The following DIAPH2 variants were observed in gnomAD, a reference collection of about 807,000 sequenced individuals.
DIAPH2 encodes protein diaphanous homolog 2.
In DIAPH2, 35 loss-of-function variants were observed where a neutral mutation model predicts 92.7. The observed-to-expected ratio is 0.38, with a 90% CI of 0.29 to 0.50. The LOEUF is 0.50. Ranked by LOEUF, DIAPH2 falls within the 20% of genes least tolerant of loss-of-function variation. The probability of loss-of-function intolerance (pLI) is 0.94; values close to 1 mark genes in which losing one functional copy is unlikely to be tolerated. For synonymous variants in DIAPH2, 301 were observed against 280.4 expected (o/e 1.07, Z -0.73); for missense variants, 701 against 819.5 (o/e 0.86, Z 1.77).
At chrX:96,912,899 A>G (rs965515564) in intron 7 of DIAPH2, among the ~76,000 whole-genome samples, 1 of 111,218 alleles carries the variant, frequency 9.0e-6, no homozygotes, top group African/African-American at 3.3e-5. Flanking sequence ...TTGAAACCAT[A>G]TATAAAAGAT....
At chrX:96,816,393 C>T (rs1036452749) in intron 4 of DIAPH2, among the ~76,000 whole-genome samples, 1 of 111,762 alleles carries the variant, frequency 8.9e-6, no homozygotes, top group African/African-American at 3.3e-5. Context: ...GTTGTCATTC[C>T]CTTATTTGTC....
At chrX:97,593,412 C>T (rs1041843255) in intron 26 of DIAPH2, among the ~76,000 whole-genome samples, 1 of 110,152 alleles carries the variant, frequency 9.1e-6, no homozygotes, top group Non-Finnish European at 1.9e-5. Context: ...AAGAAACAAA[C>T]TGGTGTGGAA....
At chrX:96,763,886 G>A (rs1051940979) in intron 4 of DIAPH2, among the ~76,000 whole-genome samples, 1 of 109,918 alleles carries the variant, frequency 9.1e-6, no homozygotes, top group Non-Finnish European at 1.9e-5. Context: ...TAACATCACC[G>A]AGTACTGAGG....
chrX:97,352,446 TGAG>T (rs2069224842), intron 24 of DIAPH2, among the ~76,000 whole-genome samples: 1 of 111,162 alleles, frequency 9.0e-6, no homozygotes, highest in African/African-American at 3.2e-5. Context: ...ACTCAGCTAA[TGAG>T]GATATCAAAG....
At chrX:97,203,803 C>T (rs1203338383) in intron 22 of DIAPH2, among the ~76,000 whole-genome samples, 1 of 111,709 alleles carries the variant, frequency 9.0e-6, no homozygotes, top group Admixed American at 9.5e-5. Context: ...AAGAGGGACT[C>T]CTCCCTAACT....
chrX:96,986,152 T>G (rs909247244), intron 17 of DIAPH2, among the ~76,000 whole-genome samples: 2 of 111,480 alleles, frequency 1.8e-5, no homozygotes, highest in Admixed American at 9.6e-5. Flanking sequence ...ACCTACTTAT[T>G]TATAAGAATC....
chrX:97,322,839 A>G (rs1252919045), intron 23 of DIAPH2, among the ~76,000 whole-genome samples: 5 of 109,381 alleles, frequency 4.6e-5, no homozygotes, highest in Non-Finnish European at 7.6e-5. Context: ...GCTGTAAACT[A>G]TGATATATTC....
intron 22 of DIAPH2, among the ~76,000 whole-genome samples, chrX:97,226,781 G>A (rs2067968949): frequency 8.9e-6 from 1 of 112,172 alleles, no homozygotes; most frequent in African/African-American, 3.2e-5. Context: ...GTATTTGTGT[G>A]TGTGTATATA....
At chrX:97,125,873 A>T (rs1167788453) in intron 21 of DIAPH2, among the ~76,000 whole-genome samples, 1 of 112,094 alleles carries the variant, frequency 8.9e-6, no homozygotes, top group Non-Finnish European at 1.9e-5. Flanking sequence ...GTTAACAAAA[A>T]TACATTTTTT....
intron 26 of DIAPH2, among the ~76,000 whole-genome samples, chrX:97,595,068 C>G (rs943504547): frequency 8.9e-6 from 1 of 111,959 alleles, no homozygotes; most frequent in African/African-American, 3.2e-5. Flanking sequence ...TAATGCAGCT[C>G]GAGTCCTCCA....
chrX:97,260,683 T>G (rs1452093905), intron 23 of DIAPH2, among the ~76,000 whole-genome samples: 1 of 112,157 alleles, frequency 8.9e-6, no homozygotes, highest in East Asian at 2.8e-4. Context: ...CCCCAAAAGT[T>G]GCTTTTTTAC....
chrX:96,896,253 T>G (rs1467848097), intron 5 of DIAPH2, among the ~76,000 whole-genome samples: 1 of 112,097 alleles, frequency 8.9e-6, no homozygotes, highest in African/African-American at 3.2e-5. Flanking sequence ...TTGTTTTTAC[T>G]TCTACATATA....
At chrX:97,314,825 A>C (rs1602500669) in intron 23 of DIAPH2, among the ~76,000 whole-genome samples, 1 of 112,160 alleles carries the variant, frequency 8.9e-6, no homozygotes, top group Non-Finnish European at 1.9e-5. Flanking sequence ...TATTTTCAAG[A>C]TACCATGTTG....
At chrX:96,790,132 C>T (rs767780498) in intron 4 of DIAPH2, among the ~76,000 whole-genome samples, 17 of 107,003 alleles carry the variant, frequency 1.6e-4, no homozygotes, top group Middle Eastern at 4.7e-3. Flanking sequence ...TGCAATGGTG[C>T]GATCCCGGCT....
At chrX:97,248,471 G>T (rs1321400524) in intron 23 of DIAPH2, among the ~76,000 whole-genome samples, 1 of 111,352 alleles carries the variant, frequency 9.0e-6, no homozygotes, top group Non-Finnish European at 1.9e-5. Context: ...ATATATAAAA[G>T]GAAAACTTGA....
At chrX:97,583,587 C>G (rs756515023) in intron 26 of DIAPH2, among the ~76,000 whole-genome samples, 22 of 112,557 alleles carry the variant, frequency 2.0e-4, no homozygotes, top group Admixed American at 3.7e-4. Context: ...AGCTGTCAGA[C>G]TGGGATATTT....
chrX:97,384,330 A>T (rs2069579080), intron 25 of DIAPH2, among the ~76,000 whole-genome samples: 1 of 111,325 alleles, frequency 9.0e-6, no homozygotes, highest in African/African-American at 3.3e-5. Flanking sequence ...GGGAGGGAAA[A>T]AGTGGGTGAG....
intron 26 of DIAPH2, among the ~76,000 whole-genome samples, chrX:97,537,359 G>T (rs751106645): frequency 8.9e-6 from 1 of 111,971 alleles, no homozygotes; most frequent in African/African-American, 3.2e-5. Context: ...TCTTATATTT[G>T]AATGTCTATT....
chrX:97,003,130 C>CT (rs376526447), intron 17 of DIAPH2, among the ~76,000 whole-genome samples: 4,321 of 102,829 alleles, frequency 0.042, 101 homozygotes, highest in Middle Eastern at 0.089. Context: ...GGATCACATT[C>CT]TTTTTTTTTT....
Sources: gnomAD v4.1 joint callset for allele counts (sites outside exome capture counted in the v4.1 genomes callset) on GRCh38, gnomAD v4.1.1 for gene constraint, MANE v1.5 for transcripts, NCBI Gene and HGNC (gene_info 2026-07-23, HGNC 2026-07-21) for gene names.